Variants in C3 observed in about 807,000 individuals in gnomAD.
C3 encodes C3 and PZP-like alpha-2-macroglobulin domain-containing protein 1.
C3 carries 97 observed loss-of-function variants against 207.9 expected under a neutral mutation model. That is an observed-to-expected ratio of 0.47 (90% CI 0.40 to 0.55). The LOEUF (loss-of-function observed/expected upper bound fraction) is 0.55. Among genes scored for constraint, C3 ranks in the 20% least tolerant of loss-of-function variants. C3 has a pLI of 0.00. For missense variants in C3, 1,684 were observed against 2,171.7 expected, an observed-to-expected ratio of 0.78 and a Z score of 4.46; for synonymous variants, 848 against 857.6, an observed-to-expected ratio of 0.99 and a Z score of 0.20.
In C3 at chr19:6,684,186, G is replaced by A. The variant is rs1389623; in HGVS notation, c.4172+202C>T. On this transcript the variant is annotated intron_variant, in intron 33 of 40. Transcript: ENST00000245907. ...TTACTAAGATGCTTTGACAGTCTCA[G>A]CTTACGTGGTCATTGCTGTGGTCTC... 79,733 of 668,114 alleles carry A rather than the reference G, an allele frequency of 0.12. 5,247 individuals carry two copies. Among genetic ancestry groups the A allele is most frequent in the African/African-American group, 0.23 (13,207 of 56,806 alleles). The allele number at this position is 668,114 out of a possible 1,614,324, so 41.4% of individuals were successfully genotyped here. A position where few individuals can be genotyped will look rare whatever the true frequency, so the allele number is the denominator to read the frequency against.
rs1477126736 is a variant in C3 at position 6,719,394 on chromosome 19, G to T, written c.84C>A (p.Ile28=). Reference sequence around the variant, plus strand: ...CCAGCCGCAAGATGTTGGGGGTGATGATAGAGTACCTGTCGGAGTGGGGCA... The same window carrying T: ...CCAGCCGCAAGATGTTGGGGGTGATTATAGAGTACCTGTCGGAGTGGGGCA... The part of the protein sequence containing the change: ...PLALGSPMYS[I]ITPNILRLES... The change falls in exon 2 of 41, where the codon ATC becomes ATA. Residue 28 remains isoleucine, a synonymous_variant. Transcript: ENST00000245907. This position sits in a 1 kb window ranked among gnomAD's most constrained non-coding sequence, Gnocchi z 5.4. 3 of 1,613,814 alleles carry T rather than the reference G, an allele frequency of 1.9e-6. No homozygotes were observed. The highest frequency in any genetic ancestry group is 2.5e-6 in the Non-Finnish European group (3 of 1,179,920).
At chr19:6,718,197 T>C (rs200947515) in intron 3 of C3, 33 bp from the exon 4 acceptor site, 284 of 1,613,936 alleles carry the variant, frequency 1.8e-4, no homozygotes, top group Non-Finnish European at 2.2e-4. Context: ...CGTGAGACCC[T>C]AGCCCGCCCA....
chr19:6,691,757 G>C (rs1203566657), intron 26 of C3, among the ~76,000 whole-genome samples: 1 of 151,998 alleles, frequency 6.6e-6, no homozygotes, highest in Non-Finnish European at 1.5e-5. Flanking sequence ...GGCCAAGGTG[G>C]GCGGATCACC....
chr19:6,694,353 G>C, intron 24 of C3, 78 bp downstream of exon 24: 1 of 1,326,834 alleles, frequency 7.5e-7, no homozygotes, highest in South Asian at 1.2e-5. Flanking sequence ...GCGTGGTCTT[G>C]AGATGAGGTG....
chr19:6,714,430 G>C lies in C3; in HGVS notation c.521C>G (p.Pro174Arg). ...AGAAGACAAGGAGTCCTGCTTGACC[G>C]GGATGCCTTCCGGGTTCTGTGGGAG... ...MVNIENPEGI[P>R]VKQDSLSSQN... The change falls in exon 5 of 41, where the codon CCG becomes CGG. Residue 174 changes from proline to arginine, a missense_variant. Transcript: ENST00000245907. 6.2e-7 allele frequency: 1 copy of C among 1,613,502 alleles called. No individual in the cohort carries two copies. The highest frequency in any genetic ancestry group is 8.5e-7 in the Non-Finnish European group (1 of 1,179,798).
intron 1 of C3, 91 bp downstream of exon 1, chr19:6,720,425 G>T: frequency 1.1e-6 from 1 of 907,136 alleles, no homozygotes; most frequent in Non-Finnish European, 1.8e-6. Flanking sequence ...ACACCCAAAT[G>T]CACCCTGAAT....
Position 6,712,498 on chromosome 19 carries a change from C to A in C3, c.1119+10G>T. The A allele has an allele frequency of 1.9e-6, 3 of 1,613,850 alleles. No individual in the cohort carries two copies. Among genetic ancestry groups the A allele is most frequent in the Non-Finnish European group, 2.5e-6 (3 of 1,179,764 alleles). On this transcript the variant is annotated intron_variant, in intron 10 of 40. Coordinates refer to ENST00000245907, the MANE Select transcript of C3 (RefSeq NM_000064.4). The stretch of plus-strand genomic sequence containing the variant: ...GGAGGAGTGGGACCCCTTCCCGCCC[C>A]GGGTCTCACCATGAGGTCAAAGGGC...
chr19:6,680,294 G>T, intron 35 of C3, 31 bp from the exon 36 acceptor site: 2 of 1,192,044 alleles, frequency 1.7e-6, no homozygotes, highest in Non-Finnish European at 2.5e-6. Context: ...TGGTCAGTGG[G>T]GTGATGTGGG....
Position 6,719,075 on chromosome 19 carries a change from C to T in C3, c.267+136G>A. ...GAAGGGAGGGGCTTAGAAGGAGAGGCGACTCCGAAGGGGTGGAGTCTCAGG... is the reference window on the plus strand; with the variant it reads ...GAAGGGAGGGGCTTAGAAGGAGAGGTGACTCCGAAGGGGTGGAGTCTCAGG... On this transcript the variant is annotated intron_variant, in intron 2 of 40. Transcript: ENST00000245907. This position sits in a 1 kb window ranked among gnomAD's most constrained non-coding sequence, Gnocchi z 5.4. 6 of 749,272 alleles carry T rather than the reference C, an allele frequency of 8.0e-6. No individual in the cohort carries two copies. The highest frequency in any genetic ancestry group is 1.4e-5 in the Non-Finnish European group (6 of 436,084). 46.4% of individuals were successfully genotyped at this position (749,272 alleles called of 1,614,324 possible).
rs1967943628 is a variant in C3 at position 6,712,636 on chromosome 19, G to A, written c.1004-13C>T. ...ACCATGTCACTGCCTGAGGGGACCA[G>A]CTGTGAGTGTAGGCTTCTGGGCCAC... On this transcript the variant is annotated splice_polypyrimidine_tract_variant and intron_variant, in intron 9 of 40. Transcript: ENST00000245907. 1.2e-6 allele frequency: 2 copies of A among 1,609,338 alleles called. No homozygotes were observed. Among genetic ancestry groups the A allele is most frequent in the Non-Finnish European group, 1.7e-6 (2 of 1,175,676 alleles).
At chr19:6,717,919 T>C (rs1968076003) in intron 4 of C3, 175 bp downstream of exon 4, 1 of 711,326 alleles carries the variant, frequency 1.4e-6, no homozygotes, top group South Asian at 1.5e-5. Flanking sequence ...GCTGTGTGTG[T>C]GCATGTTGTG....
Position 6,692,826 on chromosome 19 carries a change from G to A in C3, c.3390+98C>T, listed in dbSNP as rs1918199648. 4.3e-6 allele frequency: 6 copies of A among 1,408,438 alleles called. No individual in the cohort carries two copies. The Admixed American group carries it at 1.0e-4, about 24-fold the overall frequency. The allele number at this position is 1,408,438 out of a possible 1,614,324, so 87.2% of individuals were successfully genotyped here. On this transcript the variant is annotated intron_variant, in intron 26 of 40. Coordinates refer to ENST00000245907, the MANE Select transcript of C3 (RefSeq NM_000064.4). Reference sequence around the variant, plus strand: ...CAGCCCAATCTTTGCAAAGGGAATTGGGCAGTGGGCACATGGAGGTGGGGC... The same window carrying A: ...CAGCCCAATCTTTGCAAAGGGAATTAGGCAGTGGGCACATGGAGGTGGGGC...
Position 6,702,145 on chromosome 19 carries a change from T to C in C3, c.2422A>G (p.Ser808Gly), listed in dbSNP as rs1452950465. 1 of 1,600,770 alleles carries C rather than the reference T, an allele frequency of 6.2e-7. No homozygotes were observed. The highest frequency in any genetic ancestry group is 2.2e-5 in the East Asian group (1 of 44,802). ...SITTWEILAV[S>G]MSDKKGICVA... ...CTCTCACCTTTCTTGTCCGACATGC[T>C]CACAGCCAGAATCTCCCACGTGGTG... Residue 808 changes from serine (S) to glycine (G), a missense_variant, in exon 19 of 41, where the codon AGC becomes GGC. By Grantham distance (56) the Ser-to-Gly change is moderately conservative. Coordinates refer to ENST00000245907, the MANE Select transcript of C3 (RefSeq NM_000064.4).
Position 6,707,265 on chromosome 19 carries a change from A to C in C3, c.2056T>G (p.Tyr686Asp), listed in dbSNP as rs748400410. The change falls in exon 17 of 41, where the codon TAC becomes GAC. Residue 686 changes from tyrosine (Y) to aspartate (D), a missense_variant. Tyr to Asp is a radical substitution (Grantham distance 160). Coordinates refer to ENST00000245907, the MANE Select transcript of C3 (RefSeq NM_000064.4). ...TEKRMDKVGKYPKELRKCCED... is the reference protein window; with the variant it reads ...TEKRMDKVGKDPKELRKCCED... ...CAGCACTTGCGCAGCTCCTTGGGGT[A>C]CTTGCCGACTGCGGGAGCACGTGTT... is the stretch of plus-strand genomic sequence containing the variant. 6.2e-7 allele frequency: 1 copy of C among 1,609,350 alleles called. No homozygotes were observed. Among genetic ancestry groups the C allele is most frequent in the East Asian group, 2.2e-5 (1 of 44,610 alleles).
chr19:6,678,502 T>C lies in C3; in HGVS notation c.4631-47A>G, dbSNP rs375264433. On this transcript the variant is annotated intron_variant, in intron 38 of 40. Transcript: ENST00000245907. The stretch of plus-strand genomic sequence containing the variant: ...TTTGGGTGGTGGGCTAGGTTGACCA[T>C]GAGGGGCACCCTGGTTTGCAAGTGC... The C allele has an allele frequency of 5.2e-6, 8 of 1,543,990 alleles. No homozygotes were observed. The African/African-American group carries it at 9.5e-5, about 18-fold the overall frequency.
chr19:6,687,746 G>A (rs997460574), intron 27 of C3, among the ~76,000 whole-genome samples: 1 of 152,122 alleles, frequency 6.6e-6, no homozygotes, highest in Non-Finnish European at 1.5e-5. Context: ...GGAGTAAGGC[G>A]TTTAGGAAGC....
Position 6,712,268 on chromosome 19 carries a change from A to G in C3, c.1258T>C (p.Leu420=). 6.2e-7 allele frequency: 1 copy of G among 1,613,892 alleles called. No homozygotes were observed. Among genetic ancestry groups the G allele is most frequent in the Non-Finnish European group, 8.5e-7 (1 of 1,180,004 alleles). ...SINTHPSQKP[L]SITVRTKKQE... ...GGGCCCAGACGCACCGTGATGCTCA[A>G]GGGCTTCTGGCTGGGGTGTGTGTTG... The change falls in exon 11 of 41, where the codon TTG becomes CTG. Residue 420 remains leucine (L), a synonymous_variant. Transcript: ENST00000245907.
chr19:6,702,359 G>T, intron 18 of C3, 112 bp downstream of exon 18: 5 of 977,190 alleles, frequency 5.1e-6, no homozygotes, highest in Non-Finnish European at 8.3e-6. Flanking sequence ...ATTTTTCTAG[G>T]TTGGGCTGTG....
chr19:6,682,623 C>T (rs937838824), intron 33 of C3: 5 of 283,164 alleles, frequency 1.8e-5, no homozygotes, highest in East Asian at 8.6e-5. Flanking sequence ...ATATTGATCA[C>T]GAGTAGTTGC....
Sources: allele counts gnomAD v4.1 joint callset (sites outside exome capture counted in the v4.1 genomes callset), GRCh38; gene constraint gnomAD v4.1.1; non-coding constraint Gnocchi (gnomAD v3.1); transcripts MANE v1.5; gene names NCBI Gene and HGNC (gene_info 2026-07-23, HGNC 2026-07-21).